Variants in UTS2B observed in about 807,000 individuals in gnomAD.
UTS2B encodes urotensin-2B.
In UTS2B, 21 loss-of-function variants were observed where a neutral mutation model predicts 19.2. The ratio of observed to expected loss-of-function variants is 1.09; its 90% CI spans 0.78 to 1.58. The LOEUF (loss-of-function observed/expected upper bound fraction) is 1.58, where lower values mean the gene tolerates loss of function less well. UTS2B is among the 40% of genes most tolerant of loss of function. The pLI is 0.00. For missense variants in UTS2B, 138 were observed against 130.3 expected (o/e 1.06, Z -0.29); for synonymous variants, 57 against 50.2 (o/e 1.14, Z -0.58).
At chr3:191,341,733 T>A in the UTS2B span, among the ~76,000 whole-genome samples, 1 of 152,160 alleles carries the variant, frequency 6.6e-6, no homozygotes, top group African/African-American at 2.4e-5. Flanking sequence ...AAAAAAAAAT[T>A]ACCCCACTCT....
upstream of UTS2B, among the ~76,000 whole-genome samples, chr3:191,331,063 C>T (rs3796220): frequency 0.37 from 56,730 of 151,992 alleles, 13,910 homozygotes; most frequent in African/African-American, 0.68. Context: ...ATAGGAAAGG[C>T]GGATCCATAC....
At chr3:191,298,108 T>C (rs1473471600) in intron 4 of UTS2B, among the ~76,000 whole-genome samples, 1 of 152,228 alleles carries the variant, frequency 6.6e-6, no homozygotes, top group Non-Finnish European at 1.5e-5. Context: ...AGCATATATA[T>C]TCATCTTTTT....
chr3:191,330,453 T>C lies in UTS2B; in HGVS notation c.-704A>G, dbSNP rs1405255754. ...CAGCAAGTAGCCTTTTGACTTCCCTTCTCTTGTTTTTCCACTAGCTGCCTC... is the reference window on the plus strand; with the variant it reads ...CAGCAAGTAGCCTTTTGACTTCCCTCCTCTTGTTTTTCCACTAGCTGCCTC... On this transcript the variant is annotated 5_prime_UTR_variant, in exon 1 of 9. Transcript: ENST00000340524. The C allele has an allele frequency of 6.6e-6, 1 of 152,258 alleles. No individual in the cohort carries two copies. Among genetic ancestry groups the C allele is most frequent in the Admixed American group, 6.5e-5 (1 of 15,284 alleles). The allele number at this position is 152,258 out of a possible 1,614,324, so 9.4% of individuals were successfully genotyped here. A position where few individuals can be genotyped will look rare whatever the true frequency, so the allele number is the denominator to read the frequency against.
At chr3:191,275,104 T>C in intron 8 of UTS2B, 148 bp downstream of exon 8, 1 of 548,184 alleles carries the variant, frequency 1.8e-6, no homozygotes, top group South Asian at 3.2e-5. Context: ...GGTAACACTT[T>C]TATTGGAATA....
chr3:191,276,881 T>C, intron 6 of UTS2B, 37 bp from the exon 7 acceptor site: 1 of 1,592,900 alleles, frequency 6.3e-7, no homozygotes, highest in South Asian at 1.1e-5. Context: ...AAACGTACAT[T>C]GCAAGTAATA....
chr3:191,300,514 A>C (rs1054356534), intron 4 of UTS2B, among the ~76,000 whole-genome samples: 1 of 152,186 alleles, frequency 6.6e-6, no homozygotes, highest in South Asian at 2.1e-4. Context: ...CTAACTTTTG[A>C]GTGAATCCTG....
At chr3:191,300,612 AG>A (rs202063878) in intron 4 of UTS2B, among the ~76,000 whole-genome samples, 2,021 of 152,328 alleles carry the variant, frequency 0.013, 42 homozygotes, top group African/African-American at 0.047. Context: ...AGCCAGAGGC[AG>A]AATGACATGG....
chr3:191,288,517 C>T (rs1378302938), intron 4 of UTS2B, among the ~76,000 whole-genome samples: 9 of 152,204 alleles, frequency 5.9e-5, no homozygotes, highest in Non-Finnish European at 1.2e-4. Context: ...GAACATACCA[C>T]AGGGAAAGGA....
At chr3:191,320,673 TTTTG>T (rs1717591122) in intron 2 of UTS2B, among the ~76,000 whole-genome samples, 1 of 152,070 alleles carries the variant, frequency 6.6e-6, no homozygotes, top group Non-Finnish European at 1.5e-5. Context: ...GATGTGGAAT[TTTTG>T]TTGTATTTTA....
Position 191,275,255 on chromosome 3 carries a change from G to A in UTS2B, c.331C>T (p.Arg111Ter), listed in dbSNP as rs16866426. ...AAACCTTGAAATGAAAGCTTACCTC[G>A]TTTGCTAGGATGAGAAGAGAATAGA... ...DGLFSSHPSKRACFWKYCV is the reference protein window; with the variant it reads ...DGLFSSHPSK The change falls in exon 8 of 9, where the codon CGA becomes TGA. Residue 111 changes from arginine (R) to a stop codon, truncating the protein, a stop_gained. Transcript: ENST00000340524. LOFTEE classifies it high-confidence loss of function. 1.1e-3 allele frequency: 1,768 copies of A among 1,598,968 alleles called. 17 individuals are homozygous for A. In the African/African-American group the frequency reaches 0.021, roughly 19 times the overall value.
the UTS2B span, among the ~76,000 whole-genome samples, chr3:191,342,969 C>T: frequency 1.3e-5 from 2 of 152,140 alleles, no homozygotes; most frequent in Non-Finnish European, 2.9e-5. Context: ...CTGCAGTGCT[C>T]AAGTACAGTT....
intron 4 of UTS2B, among the ~76,000 whole-genome samples, chr3:191,291,004 A>C (rs1023226560): frequency 6.6e-6 from 1 of 152,214 alleles, no homozygotes; most frequent in Non-Finnish European, 1.5e-5. Flanking sequence ...AAATGAAAAA[A>C]ATAGCGGAAG....
rs569353825 is a variant in UTS2B, at chr3:191,323,149, A to AT, written c.-586+5481dup. 2.6e-3 allele frequency among the ~76,000 whole-genome samples: 375 copies of AT among 145,678 alleles called. 3 individuals are homozygous for AT. Among genetic ancestry groups the AT allele is most frequent in the African/African-American group, 8.7e-3 (344 of 39,420 alleles). Reference sequence around the variant, plus strand: ...CAGTGCTGTTATTTTATTTTATTTTATTTATTTATTTATTTTTGAGACAGA... The same window carrying AT: ...CAGTGCTGTTATTTTATTTTATTTTATTTTATTTATTTATTTTTGAGACAGA... On this transcript the variant is annotated intron_variant, in intron 2 of 8. Transcript: ENST00000340524.
intron 2 of UTS2B, among the ~76,000 whole-genome samples, chr3:191,326,177 A>C (rs1182849861): frequency 6.6e-6 from 1 of 152,048 alleles, no homozygotes; most frequent in Admixed American, 6.5e-5. Flanking sequence ...CTTACTTTTA[A>C]TTTGTGATTC....
intron 8 of UTS2B, among the ~76,000 whole-genome samples, chr3:191,270,282 G>A (rs979690261): frequency 7.2e-5 from 11 of 152,206 alleles, no homozygotes; most frequent in Admixed American, 3.3e-4. Flanking sequence ...CTGCAACCTC[G>A]AACTCCTTGG....
intron 2 of UTS2B, among the ~76,000 whole-genome samples, chr3:191,317,341 C>T (rs552372647): frequency 5.0e-4 from 76 of 152,316 alleles, no homozygotes; most frequent in African/African-American, 1.8e-3. Flanking sequence ...CGTGCTAGCC[C>T]GCAAGCAGCA....
chr3:191,321,732 T>C (rs2108613720), intron 2 of UTS2B, among the ~76,000 whole-genome samples: 1 of 152,202 alleles, frequency 6.6e-6, no homozygotes. Context: ...TATATAAAAA[T>C]ATATGTGACT....
chr3:191,329,756 C>T (rs760514143), intron 1 of UTS2B: 21 of 1,597,294 alleles, frequency 1.3e-5, no homozygotes, highest in Non-Finnish European at 1.8e-5. Context: ...GCGCGGGACC[C>T]TCCCCTCTCC....
At chr3:191,317,090 C>A (rs1013183653) in intron 2 of UTS2B, among the ~76,000 whole-genome samples, 1 of 152,214 alleles carries the variant, frequency 6.6e-6, no homozygotes. Context: ...AGGCTCGGGC[C>A]GTGCAGAGCC....
Sources: allele counts gnomAD v4.1 joint callset (sites outside exome capture counted in the v4.1 genomes callset), GRCh38; gene constraint gnomAD v4.1.1; transcripts MANE v1.5; gene names NCBI Gene and HGNC (gene_info 2026-07-23, HGNC 2026-07-21).